Variants in IQSEC1 observed in about 807,000 individuals in gnomAD.
The protein encoded by IQSEC1 is IQ motif and Sec7 domain ArfGEF 1.
A neutral mutation model predicts 91.0 loss-of-function variants in IQSEC1; 31 were observed. The observed-to-expected ratio is 0.34, with a 90% CI of 0.26 to 0.46. IQSEC1 has a LOEUF of 0.46. IQSEC1 is among the 20% of genes least tolerant of loss of function. IQSEC1 has a pLI of 1.00. For missense variants in IQSEC1, 1,388 were observed against 1,575.6 expected, an observed-to-expected ratio of 0.88 and a Z score of 2.02; for synonymous variants, 699 against 662.6, an observed-to-expected ratio of 1.05 and a Z score of -0.84.
At chr3:13,112,402 C>T (rs990298895) in intron 2 of IQSEC1, among the ~76,000 whole-genome samples, 22 of 152,356 alleles carry the variant, frequency 1.4e-4, no homozygotes, top group East Asian at 1.3e-3. Context: ...GCCAACAGTC[C>T]GGAAGAGTCC....
At chr3:12,990,536 C>A (rs2125626014) in intron 1 of IQSEC1, among the ~76,000 whole-genome samples, 1 of 152,318 alleles carries the variant, frequency 6.6e-6, no homozygotes, top group South Asian at 2.1e-4. Context: ...AAGGCCCAAG[C>A]TGTGTGTACA....
chr3:13,277,137 A>AAAAAAAAAAAAAAAAAAAAAAAAAAC (rs60347391), intron 1 of IQSEC1, among the ~76,000 whole-genome samples: 1 of 118,328 alleles, frequency 8.5e-6, no homozygotes, highest in African/African-American at 3.7e-5. Flanking sequence ...AAAAAAAAAA[A>AAAAAAAAAAAAAAAAAAAAAAAAAAC]CAGAAAACAA....
intron 1 of IQSEC1, among the ~76,000 whole-genome samples, chr3:13,174,562 T>A (rs145229580): frequency 6.6e-6 from 1 of 152,120 alleles, no homozygotes; most frequent in African/African-American, 2.4e-5. Flanking sequence ...CACCCTGCTG[T>A]CAGCCCCCAG....
At chr3:13,203,419 T>A (rs1694282895) in intron 1 of IQSEC1, among the ~76,000 whole-genome samples, 2 of 152,144 alleles carry the variant, frequency 1.3e-5, no homozygotes, top group Admixed American at 1.3e-4. Flanking sequence ...CAGAACCCCA[T>A]AGCCCATCTC....
chr3:13,222,051 C>T (rs1294823703), intron 1 of IQSEC1, among the ~76,000 whole-genome samples: 6 of 152,168 alleles, frequency 3.9e-5, no homozygotes, highest in Non-Finnish European at 8.8e-5. Flanking sequence ...ACATTTACCA[C>T]CTCATCCATT....
In IQSEC1 at chr3:13,211,028, C is replaced by A. The variant is rs35247982; in HGVS notation, c.273-46895G>T. Among the ~76,000 whole-genome samples the A allele has an allele frequency of 6.6e-6, 1 of 152,204 alleles. No homozygotes were observed. Among genetic ancestry groups the A allele is most frequent in the Non-Finnish European group, 1.5e-5 (1 of 68,032 alleles). On this transcript the variant is annotated intron_variant, in intron 1 of 15. Transcript: ENST00000648114. The surrounding 1 kb of genome is among the most constrained non-coding windows in gnomAD (Gnocchi z 5.3). ...ATCACTTGAGAGAGACAAGAGTCTG[C>A]TAGAAGGTAGAGACCTTGTATGCTG...
Position 12,913,629 on chromosome 3 carries a change from C to G in IQSEC1, c.2191-76G>C, listed in dbSNP as rs536265123. 36 of 1,479,290 alleles carry G rather than the reference C, an allele frequency of 2.4e-5. 1 individual carries two copies. In the East Asian group the frequency reaches 8.5e-4, roughly 35 times the overall value. The allele number at this position is 1,479,290 out of a possible 1,614,324, so 91.6% of individuals were successfully genotyped here. On this transcript the variant is annotated intron_variant, in intron 8 of 13. Coordinates refer to ENST00000613206, the MANE Select transcript of IQSEC1 (RefSeq NM_001134382.3). ...GCCCTGGGGGCCGCAGTGGAGAAGT[C>G]TAGCCCTTCAAGCTAGAAACCCGGC...
intron 5 of IQSEC1, among the ~76,000 whole-genome samples, chr3:12,921,172 G>A (rs941569277): frequency 6.6e-6 from 1 of 152,168 alleles, no homozygotes; most frequent in Non-Finnish European, 1.5e-5. Flanking sequence ...CCCTCCACTG[G>A]TGACCTCGTG....
intron 2 of IQSEC1, among the ~76,000 whole-genome samples, chr3:13,124,232 C>T (rs993434211): frequency 1.3e-5 from 2 of 152,210 alleles, no homozygotes; most frequent in Non-Finnish European, 2.9e-5. Context: ...CCTTCACCTG[C>T]ACCTTGGCTG....
chr3:13,077,369 A>T (rs1350845372), upstream of IQSEC1, among the ~76,000 whole-genome samples: 1 of 152,154 alleles, frequency 6.6e-6, no homozygotes, highest in Middle Eastern at 3.2e-3. Flanking sequence ...TCCCATCCCC[A>T]TGGTGAATTC....
intron 1 of IQSEC1, among the ~76,000 whole-genome samples, chr3:13,280,588 C>A (rs1193797591): frequency 6.6e-6 from 1 of 152,196 alleles, no homozygotes; most frequent in African/African-American, 2.4e-5. Flanking sequence ...GGAACCCACC[C>A]ACAGCTCCTG....
rs1371686223 is a variant in IQSEC1 at position 12,908,179 on chromosome 3, G to T, written c.2755+170C>A. Among the ~76,000 whole-genome samples the T allele has an allele frequency of 6.6e-6, 1 of 152,224 alleles. No homozygotes were observed. Among genetic ancestry groups the T allele is most frequent in the Non-Finnish European group, 1.5e-5 (1 of 68,042 alleles). ...TCCTGTTTCCCTGTGTCTTTTTGGG[G>T]CGCCCTTTCTGTATGTCACACGCTG... On this transcript the variant is annotated intron_variant, in intron 12 of 13. Coordinates refer to ENST00000613206, the MANE Select transcript of IQSEC1 (RefSeq NM_001134382.3). This position sits in a 1 kb window ranked among gnomAD's most constrained non-coding sequence, Gnocchi z 4.9.
At chr3:13,015,286 C>T (rs781654398) in intron 1 of IQSEC1, among the ~76,000 whole-genome samples, 10 of 152,130 alleles carry the variant, frequency 6.6e-5, no homozygotes, top group Non-Finnish European at 1.0e-4. Context: ...GCTGCGGGGC[C>T]CTGGTTCTCA....
At chr3:13,085,712 G>A (rs753805465) in intron 2 of IQSEC1, among the ~76,000 whole-genome samples, 15 of 152,324 alleles carry the variant, frequency 9.8e-5, no homozygotes, top group African/African-American at 1.7e-4. Context: ...TCAGGCCCAC[G>A]TGCTGTTACC....
intron 1 of IQSEC1, among the ~76,000 whole-genome samples, chr3:13,041,039 C>T (rs1356517444): frequency 6.6e-6 from 1 of 152,110 alleles, no homozygotes; most frequent in African/African-American, 2.4e-5. Context: ...CTCGTGGCCA[C>T]TCTTCTGCAG....
Position 12,915,728 on chromosome 3 carries a change from C to G in IQSEC1, c.2026G>C (p.Asp676His). The G allele has an allele frequency of 6.2e-7, 1 of 1,614,064 alleles. No individual in the cohort carries two copies. The highest frequency in any genetic ancestry group is 8.5e-7 in the Non-Finnish European group (1 of 1,179,938). ...EDFIKNLRGV[D>H]DGEDIPREML... is the part of the protein sequence containing the mutation. ...TCACGGGGAATGTCCTCACCATCGT[C>G]CACACCTGGGTAGGGGATGCAGCTG... The change falls in exon 7 of 14, where the codon GAC (aspartate) becomes CAC (histidine). Residue 676 changes from aspartate (D) to histidine (H), a missense_variant. Asp to His is a moderately conservative substitution (Grantham distance 81). Coordinates refer to ENST00000613206, the MANE Select transcript of IQSEC1 (RefSeq NM_001134382.3).
chr3:13,177,876 T>TG (rs1693769137), intron 1 of IQSEC1, among the ~76,000 whole-genome samples: 1 of 152,186 alleles, frequency 6.6e-6, no homozygotes, highest in Non-Finnish European at 1.5e-5. Context: ...CAGCCACTCT[T>TG]GGAGGATACC....
At chr3:13,194,695 G>A (rs1694096055) in intron 1 of IQSEC1, among the ~76,000 whole-genome samples, 1 of 151,988 alleles carries the variant, frequency 6.6e-6, no homozygotes, top group Non-Finnish European at 1.5e-5. Flanking sequence ...AGACTGAGAG[G>A]CGAGGTCCGT....
Position 12,935,621 on chromosome 3 carries a change from G to A in IQSEC1, c.1395C>T (p.Ser465=). 3 of 1,614,112 alleles carry A rather than the reference G, an allele frequency of 1.9e-6. No individual in the cohort carries two copies. Among genetic ancestry groups the A allele is most frequent in the Non-Finnish European group, 2.5e-6 (3 of 1,180,022 alleles). The part of the protein sequence containing the change: ...DNDSINSTSN[S]NDTINCSSES... ...CGGAGCTGCAGTTGATGGTATCGTT[G>A]GAGTTGGACGTGCTGTTGATGCTGT... Residue 465 remains serine, a synonymous_variant, in exon 3 of 14, where the codon TCC becomes TCT. Coordinates refer to ENST00000613206, the MANE Select transcript of IQSEC1 (RefSeq NM_001134382.3). The surrounding 1 kb of genome is among the most constrained non-coding windows in gnomAD (Gnocchi z 8.0).
Sources: allele counts gnomAD v4.1 joint callset (sites outside exome capture counted in the v4.1 genomes callset), GRCh38; gene constraint gnomAD v4.1.1; non-coding constraint Gnocchi (gnomAD v3.1); transcripts MANE v1.5; gene names NCBI Gene and HGNC (gene_info 2026-07-23, HGNC 2026-07-21).